SH3D19: variants seen among roughly 807,000 people sequenced by gnomAD.
SH3D19 encodes the protein SH3 domain containing 19, also known as SH3 domain-containing protein 19.
Under a neutral mutation model 112.1 loss-of-function variants are expected in SH3D19, and 58 were observed. The ratio of observed to expected loss-of-function variants is 0.52; its 90% confidence interval spans 0.42 to 0.64. The LOEUF (loss-of-function observed/expected upper bound fraction) is 0.64, where lower values mean the gene tolerates loss of function less well. SH3D19 is among the 30% of genes least tolerant of loss of function. SH3D19 has a pLI of 0.00. For missense variants in SH3D19, 1,090 were observed against 1,263.4 expected (o/e 0.86, Z 2.08); for synonymous variants, 391 against 448.5 (o/e 0.87, Z 1.62).
At chr4:151,282,196 A>C (rs1774304701) in intron 1 of SH3D19, 13 of 1,613,980 alleles carry the variant, frequency 8.1e-6, no homozygotes, top group Non-Finnish European at 9.3e-6. Context: ...CGATTACAGT[A>C]GGTGACTCAA....
intron 1 of SH3D19, among the ~76,000 whole-genome samples, chr4:151,322,524 G>A (rs1387172428): frequency 1.4e-5 from 2 of 138,080 alleles, no homozygotes; most frequent in Admixed American, 1.5e-4. Context: ...AAATTCAACT[G>A]AGCTTTTTAT....
chr4:151,286,336 A>G (rs1324216229), intron 1 of SH3D19, among the ~76,000 whole-genome samples: 1 of 148,070 alleles, frequency 6.8e-6, no homozygotes, highest in Non-Finnish European at 1.5e-5. Flanking sequence ...AATAAAATTG[A>G]AAAAAAACTT....
At position 151,165,711 on chromosome 4, in the gene SH3D19, A is replaced by G. The variant is rs1757895189; in HGVS notation, c.1535-15T>C. Reference sequence around the variant, plus strand: ...CTGAAAGGGATCTAATGAAAAACATAGTTTATTTTGCATGTTTTAGTTAAC... The same window carrying G: ...CTGAAAGGGATCTAATGAAAAACATGGTTTATTTTGCATGTTTTAGTTAAC... On this transcript the variant is annotated splice_polypyrimidine_tract_variant and intron_variant, in intron 7 of 19. Transcript: ENST00000604030. 1 of 1,605,952 alleles carries G rather than the reference A, an allele frequency of 6.2e-7. No individual in the cohort carries two copies. The highest frequency in any genetic ancestry group is 1.1e-5 in the South Asian group (1 of 90,744).
chr4:151,205,559 C>T (rs1444830720), intron 2 of SH3D19, among the ~76,000 whole-genome samples: 1 of 152,134 alleles, frequency 6.6e-6, no homozygotes, highest in African/African-American at 2.4e-5. Flanking sequence ...TGTAACATGA[C>T]ATTATTGGAT....
intron 1 of SH3D19, among the ~76,000 whole-genome samples, chr4:151,277,627 T>C (rs2150003669): frequency 6.6e-6 from 1 of 152,050 alleles, no homozygotes; most frequent in East Asian, 1.9e-4. Context: ...ATAACTAAAT[T>C]AAGTAAGAGG....
chr4:151,137,764 C>T lies in SH3D19; in HGVS notation c.2395G>A (p.Gly799Ser). Reference sequence around the variant, plus strand: ...TTGACATAGTTGGCAGGAAATATGCCAATCTGGTTTCTACAGTTCCCTCTG... The same window carrying T: ...TTGACATAGTTGGCAGGAAATATGCTAATCTGGTTTCTACAGTTCCCTCTG... ...WYRGNCRNQIGIFPANYVKVI... is the reference protein window; with the variant it reads ...WYRGNCRNQISIFPANYVKVI... The change falls in exon 14 of 20, where the codon GGC (glycine) becomes AGC (serine). Residue 799 changes from glycine to serine, a missense_variant. Gly to Ser is a moderately conservative substitution (Grantham distance 56). Transcript: ENST00000604030. 1 of 1,603,366 alleles carries T rather than the reference C, an allele frequency of 6.2e-7. No homozygotes were observed. The highest frequency in any genetic ancestry group is 8.5e-7 in the Non-Finnish European group (1 of 1,176,376).
At chr4:151,179,827 G>C (rs1760561158) in intron 3 of SH3D19, among the ~76,000 whole-genome samples, 1 of 152,092 alleles carries the variant, frequency 6.6e-6, no homozygotes, top group Admixed American at 6.5e-5. Context: ...GAATGAAACT[G>C]GTCAAATTTT....
At chr4:151,243,721 G>A (rs931662978) in intron 1 of SH3D19, among the ~76,000 whole-genome samples, 1 of 152,198 alleles carries the variant, frequency 6.6e-6, no homozygotes, top group East Asian at 1.9e-4. Flanking sequence ...TATACCGTAA[G>A]TCAAAGCATT....
chr4:151,155,437 C>T (rs1466153547), intron 9 of SH3D19, among the ~76,000 whole-genome samples: 1 of 152,146 alleles, frequency 6.6e-6, no homozygotes, highest in African/African-American at 2.4e-5. Context: ...TTTTTCTTCT[C>T]CAGATGATTA....
At chr4:151,185,171 A>G (rs1211021517) in intron 3 of SH3D19, among the ~76,000 whole-genome samples, 1 of 151,684 alleles carries the variant, frequency 6.6e-6, no homozygotes, top group Non-Finnish European at 1.5e-5. Context: ...TGATTCCCTA[A>G]CAAAAAAGTC....
intron 1 of SH3D19, among the ~76,000 whole-genome samples, chr4:151,257,611 C>G (rs970410914): frequency 5.3e-5 from 8 of 152,088 alleles, no homozygotes; most frequent in African/African-American, 1.9e-4. Flanking sequence ...TCATCATCAT[C>G]ATGCTATTAA....
At chr4:151,230,142 T>C (rs1434149712) in intron 1 of SH3D19, among the ~76,000 whole-genome samples, 3 of 152,206 alleles carry the variant, frequency 2.0e-5, no homozygotes, top group African/African-American at 4.8e-5. Flanking sequence ...CTTGGTTCTA[T>C]GTAATCTAGA....
chr4:151,318,189 TC>T (rs1263947288), intron 1 of SH3D19, among the ~76,000 whole-genome samples: 1 of 146,966 alleles, frequency 6.8e-6, no homozygotes, highest in Non-Finnish European at 1.5e-5. Flanking sequence ...TAGTCCTAGC[TC>T]CTTGGGAGGC....
chr4:151,176,283 A>G (rs142506306), intron 6 of SH3D19, among the ~76,000 whole-genome samples: 43 of 152,340 alleles, frequency 2.8e-4, no homozygotes, highest in African/African-American at 8.7e-4. Context: ...ACCCACCATG[A>G]ATTATACGGA....
At chr4:151,247,399 A>T (rs1771018424) in intron 1 of SH3D19, among the ~76,000 whole-genome samples, 1 of 152,228 alleles carries the variant, frequency 6.6e-6, no homozygotes, top group African/African-American at 2.4e-5. Flanking sequence ...GCTCTATGAC[A>T]ACTTCTTTGT....
intron 9 of SH3D19, among the ~76,000 whole-genome samples, chr4:151,150,236 CACAT>C (rs1754741335): frequency 2.2e-5 from 1 of 45,914 alleles, no homozygotes; most frequent in African/African-American, 3.9e-5. Flanking sequence ...TATACACACA[CACAT>C]ATATATATAT....
intron 10 of SH3D19, 26 bp from the exon 11 acceptor site, chr4:151,148,212 G>A (rs1284205923): frequency 3.7e-5 from 58 of 1,566,968 alleles, no homozygotes; most frequent in Non-Finnish European, 4.6e-5. Context: ...GTAGCCATGA[G>A]TCAGTGTTTT....
At chr4:151,207,189 G>A (rs1459633986) in intron 2 of SH3D19, among the ~76,000 whole-genome samples, 1 of 152,132 alleles carries the variant, frequency 6.6e-6, no homozygotes, top group Non-Finnish European at 1.5e-5. Context: ...ATAAGATTTA[G>A]TAGCAGTGCA....
chr4:151,273,823 G>T (rs1209564177), intron 1 of SH3D19, among the ~76,000 whole-genome samples: 1 of 152,070 alleles, frequency 6.6e-6, no homozygotes, highest in Admixed American at 6.6e-5. Flanking sequence ...TATATTAAGT[G>T]AGTTAACTCA....
Sources: allele counts gnomAD v4.1 joint callset (sites outside exome capture counted in the v4.1 genomes callset), GRCh38; gene constraint gnomAD v4.1.1; transcripts MANE v1.5; gene names NCBI Gene and HGNC (gene_info 2026-07-23, HGNC 2026-07-21).